CDHR2: variants seen among roughly 807,000 people sequenced by gnomAD.
CDHR2 encodes cadherin-related family member 2.
Under a neutral mutation model 138.6 loss-of-function variants are expected in CDHR2, and 104 were observed. That is an observed-to-expected ratio of 0.75 (90% confidence interval 0.64 to 0.88). CDHR2 has a LOEUF of 0.88. Among genes scored for constraint, CDHR2 ranks in the 40% least tolerant of loss-of-function variants. CDHR2 has a pLI of 0.00. For synonymous variants in CDHR2, 755 were observed against 742.8 expected (o/e 1.02, Z -0.27); for missense variants, 1,624 against 1,727.6 (o/e 0.94, Z 1.06).
At chr5:176,549,955 A>G (rs1310569678) in intron 1 of CDHR2, among the ~76,000 whole-genome samples, 1 of 152,160 alleles carries the variant, frequency 6.6e-6, no homozygotes, top group Non-Finnish European at 1.5e-5. Flanking sequence ...GCCCAGTGCC[A>G]CCTCAGCCAG....
At chr5:176,592,826 C>G (rs1374944223) in intron 31 of CDHR2, 46 bp downstream of exon 31, 1 of 1,555,040 alleles carries the variant, frequency 6.4e-7, no homozygotes, top group Non-Finnish European at 8.9e-7. Context: ...AACTTGGGTT[C>G]TTCTGTGGAG....
chr5:176,595,604 G>A lies in CDHR2; in HGVS notation c.3865G>A (p.Ala1289Thr). The A allele has an allele frequency of 6.2e-7, 1 of 1,612,866 alleles. No individual in the cohort carries two copies. The change falls in exon 32 of 32, where the codon GCA (alanine) becomes ACA (threonine). Residue 1289 changes from alanine (A) to threonine (T), a missense_variant. Ala to Thr is a moderately conservative substitution (Grantham distance 58, BLOSUM62 0). This residue lies in a region of CDHR2 where 556 missense variants were observed against 565.7 expected (regional missense o/e 0.98). Coordinates refer to ENST00000261944, the MANE Select transcript of CDHR2 (RefSeq NM_017675.6). Reference protein sequence around the residue: ...PLSVVLLGRQAGASGQLEGPS... With the variant: ...PLSVVLLGRQTGASGQLEGPS... ...GAGCGTGGTCCTGTTAGGACGGCAGGCAGGCGCAAGTGGACAGCTGGAGGG... is the reference window on the plus strand; with the variant it reads ...GAGCGTGGTCCTGTTAGGACGGCAGACAGGCGCAAGTGGACAGCTGGAGGG...
chr5:176,585,802 G>T, intron 19 of CDHR2, 152 bp from the exon 20 acceptor site: 4 of 654,204 alleles, frequency 6.1e-6, no homozygotes, highest in South Asian at 1.8e-5. Flanking sequence ...CGGGGCACGG[G>T]GTTGAGGCTG....
At position 176,568,902 on chromosome 5, in the gene CDHR2, C is replaced by T; in HGVS notation, c.265-58C>T. ...GAGCCCGCGTCCTGGTGGCGGCACC[C>T]CCTGTGCTCCCACCCAGCGGGGGCT... On this transcript the variant is annotated intron_variant, in intron 4 of 31. Transcript: ENST00000261944. The T allele has an allele frequency of 4.3e-6, 7 of 1,611,316 alleles. No homozygotes were observed. The East Asian group carries it at 6.7e-5, about 15-fold the overall frequency.
At position 176,592,728 on chromosome 5, in the gene CDHR2, A is replaced by C; in HGVS notation, c.3740A>C (p.Asn1247Thr). ...PSNDLDSVSV[N>T]SLDDNSVDVD... ...CTCCATCACCTCTCTTACAGCGTCA[A>C]CTCCCTGGACGACAACTCTGTGGAT... Residue 1247 changes from asparagine to threonine, a missense_variant, in exon 31 of 32, where the codon AAC (asparagine) becomes ACC (threonine). This residue lies in a region of CDHR2 where 556 missense variants were observed against 565.7 expected (regional missense o/e 0.98). Coordinates refer to ENST00000261944, the MANE Select transcript of CDHR2 (RefSeq NM_017675.6). The C allele has an allele frequency of 6.2e-7, 1 of 1,613,714 alleles. No homozygotes were observed. The highest frequency in any genetic ancestry group is 1.3e-5 in the African/African-American group (1 of 74,942).
intron 1 of CDHR2, among the ~76,000 whole-genome samples, chr5:176,550,634 G>A (rs1304514062): frequency 6.6e-6 from 1 of 152,350 alleles, no homozygotes; most frequent in Non-Finnish European, 1.5e-5. Flanking sequence ...GCTGTGAGAA[G>A]TAAATGAAAA....
chr5:176,574,940 T>A, intron 7 of CDHR2, 144 bp from the exon 8 acceptor site: 1 of 909,574 alleles, frequency 1.1e-6, no homozygotes, highest in Non-Finnish European at 1.6e-6. Flanking sequence ...AGCTGGAAAC[T>A]GAGGCTCAGA....
chr5:176,564,679 C>G (rs761596234), intron 1 of CDHR2, among the ~76,000 whole-genome samples: 11 of 152,016 alleles, frequency 7.2e-5, no homozygotes, highest in Non-Finnish European at 1.5e-4. Flanking sequence ...AGTATGCAGC[C>G]CTCCCTAGAC....
chr5:176,552,897 A>G (rs1399804507), intron 1 of CDHR2, among the ~76,000 whole-genome samples: 1 of 152,176 alleles, frequency 6.6e-6, no homozygotes, highest in African/African-American at 2.4e-5. Flanking sequence ...AAGGGGATTG[A>G]TGAATCCAGC....
At position 176,575,125 on chromosome 5, in the gene CDHR2, C is replaced by T. The variant is rs373901664; in HGVS notation, c.537C>T (p.Ile179=). The T allele has an allele frequency of 1.5e-5, 24 of 1,614,088 alleles. No individual in the cohort carries two copies. The East Asian group carries it at 4.5e-4, about 30-fold the overall frequency. ...GGGACAGCGAGCATCTCTTCCGGAT[C>T]CTGGCCAATGGCTCCATAGTCCTCA... is the stretch of plus-strand genomic sequence containing the variant. ...STGDSEHLFR[I]LANGSIVLNG... is the part of the protein sequence containing the mutation. The change falls in exon 8 of 32, where the codon ATC becomes ATT. Residue 179 remains isoleucine (I), a synonymous_variant. Transcript: ENST00000261944.
chr5:176,578,347 C>A lies in CDHR2; in HGVS notation c.1575-18C>A. On this transcript the variant is annotated intron_variant, in intron 15 of 31. Transcript: ENST00000261944. ...GCATCCTGTGTCTCTATTTGCTGAA[C>A]CTGGCCCCTCTGAGCAGGGCAGACC... 1 of 1,603,628 alleles carries A rather than the reference C, an allele frequency of 6.2e-7. No individual in the cohort carries two copies. The highest frequency in any genetic ancestry group is 8.5e-7 in the Non-Finnish European group (1 of 1,174,792).
intron 4 of CDHR2, 59 bp from the exon 5 acceptor site, chr5:176,568,901 C>T: frequency 1.2e-6 from 2 of 1,611,148 alleles, no homozygotes; most frequent in South Asian, 1.1e-5. Flanking sequence ...GTGGCGGCAC[C>T]CCCTGTGCTC....
chr5:176,594,174 T>C (rs1251601845), intron 31 of CDHR2, among the ~76,000 whole-genome samples: 1 of 152,090 alleles, frequency 6.6e-6, no homozygotes, highest in East Asian at 1.9e-4. Flanking sequence ...CGGAAAGTCT[T>C]CAAAGCCAGA....
rs1751661007 is a variant in CDHR2, at chr5:176,553,491, T to C, written c.-16+4077T>C. Among the ~76,000 whole-genome samples, 1 of 152,204 alleles carries C rather than the reference T, an allele frequency of 6.6e-6. No individual in the cohort carries two copies. The highest frequency in any genetic ancestry group is 2.4e-5 in the African/African-American group (1 of 41,444). The stretch of plus-strand genomic sequence containing the variant: ...ACTTTGTAATGATGATGAATCCATC[T>C]TGATACCTGCTGGCTGCACACCTAG... On this transcript the variant is annotated intron_variant, in intron 1 of 31. Coordinates refer to ENST00000261944, the MANE Select transcript of CDHR2 (RefSeq NM_017675.6). This position sits in a 1 kb window ranked among gnomAD's most constrained non-coding sequence, Gnocchi z 4.3.
At chr5:176,588,927 G>A (rs1400660739) in intron 21 of CDHR2, 104 bp from the exon 22 acceptor site, 10 of 1,182,410 alleles carry the variant, frequency 8.5e-6, no homozygotes, top group African/African-American at 1.5e-5. Context: ...GGATAGAGAC[G>A]GTGAGGGCCA....
Position 176,576,074 on chromosome 5 carries a change from C to A in CDHR2, c.1083C>A (p.Cys361Ter), listed in dbSNP as rs772038998. The part of the protein sequence containing the change: ...PEFYNCSLPA[C>*]TFTPEEAQVN... ...TTTACAACTGCAGCCTCCCAGCCTG[C>A]ACCTTCACCCCCGAAGAGGCCCAAG... The change falls in exon 12 of 32, where the codon TGC becomes TGA. Residue 361 changes from cysteine to a stop codon, truncating the protein, a stop_gained. Transcript: ENST00000261944. LOFTEE classifies it high-confidence loss of function. The surrounding 1 kb of genome is among the most constrained non-coding windows in gnomAD (Gnocchi z 4.5). 6.2e-7 allele frequency: 1 copy of A among 1,614,134 alleles called. No homozygotes were observed. The highest frequency in any genetic ancestry group is 1.1e-5 in the South Asian group (1 of 91,084).
At chr5:176,590,519 C>G (rs1351565001) in intron 27 of CDHR2, 34 bp downstream of exon 27, 1 of 1,614,018 alleles carries the variant, frequency 6.2e-7, no homozygotes, top group South Asian at 1.1e-5. Flanking sequence ...GCAGGTGGGG[C>G]TGCTGAAGAC....
chr5:176,544,984 G>A (rs1185225572), upstream of CDHR2, among the ~76,000 whole-genome samples: 3 of 152,278 alleles, frequency 2.0e-5, no homozygotes, highest in Middle Eastern at 3.4e-3. Flanking sequence ...AAGAAATGGC[G>A]GCTCAGAGGG....
intron 5 of CDHR2, 151 bp downstream of exon 5, chr5:176,569,161 T>C: frequency 3.9e-6 from 2 of 506,918 alleles, no homozygotes; most frequent in Non-Finnish European, 6.7e-6. Flanking sequence ...CTTTGTCATA[T>C]GACATTACCA....
Sources: allele counts gnomAD v4.1 joint callset (sites outside exome capture counted in the v4.1 genomes callset), GRCh38; gene constraint gnomAD v4.1.1; regional missense constraint gnomAD v4.1.1; non-coding constraint Gnocchi (gnomAD v3.1); transcripts MANE v1.5; gene names NCBI Gene and HGNC (gene_info 2026-07-23, HGNC 2026-07-21).